Variants in CAV3 observed in about 807,000 individuals in gnomAD.
CAV3 encodes the protein caveolin-3.
CAV3 carries 10 observed loss-of-function variants against 13.4 expected under a neutral mutation model. That is an observed-to-expected ratio of 0.75 (90% CI 0.46 to 1.27). The LOEUF is 1.27. CAV3 is among the 50% of genes most tolerant of loss of function. The probability of loss-of-function intolerance (pLI) is 0.00; values close to 1 mark genes in which losing one functional copy is unlikely to be tolerated. For synonymous variants in CAV3, 90 were observed against 79.0 expected, an observed-to-expected ratio of 1.14 and a Z score of -0.74; for missense variants, 162 against 194.0, an observed-to-expected ratio of 0.83 and a Z score of 0.98.
At chr3:8,742,200 C>A (rs1272909786) in intron 1 of CAV3, among the ~76,000 whole-genome samples, 1 of 152,110 alleles carries the variant, frequency 6.6e-6, no homozygotes, top group Non-Finnish European at 1.5e-5. Context: ...ATGCTCAAAT[C>A]TGAGCTAGGG....
Position 8,743,053 on chromosome 3 carries a change from G to T in CAV3, c.115-2473G>T, listed in dbSNP as rs150266373. ...CGAGAGAGGGAGCAAGAGAGCTGCCGGGTTCTTTTAAACAACCAGGTCTCA... is the reference window on the plus strand; with the variant it reads ...CGAGAGAGGGAGCAAGAGAGCTGCCTGGTTCTTTTAAACAACCAGGTCTCA... On this transcript the variant is annotated intron_variant, in intron 1 of 1. Transcript: ENST00000343849. Among the ~76,000 whole-genome samples, 1,059 of 151,988 alleles carry T rather than the reference G, an allele frequency of 7.0e-3. 12 individuals are homozygous for T. The highest frequency in any genetic ancestry group is 0.024 in the African/African-American group (1,009 of 41,474).
At chr3:8,741,510 A>G (rs1028501639) in intron 1 of CAV3, among the ~76,000 whole-genome samples, 3 of 152,170 alleles carry the variant, frequency 2.0e-5, no homozygotes, top group Non-Finnish European at 4.4e-5. Context: ...GTCATTACAG[A>G]TCTTGGCCCA....
At chr3:8,738,902 C>T (rs1707849758) in intron 1 of CAV3, among the ~76,000 whole-genome samples, 1 of 152,212 alleles carries the variant, frequency 6.6e-6, no homozygotes, top group Admixed American at 6.5e-5. Flanking sequence ...ACAGATAACA[C>T]TTCGCTGCTC....
chr3:8,742,709 T>A, intron 1 of CAV3: 6 of 324,756 alleles, frequency 1.8e-5, no homozygotes, highest in Non-Finnish European at 3.7e-5. Context: ...GGGTAATCAA[T>A]CAGTATTTAT....
chr3:8,738,873 G>C (rs1419416729), intron 1 of CAV3, among the ~76,000 whole-genome samples: 1 of 152,182 alleles, frequency 6.6e-6, no homozygotes, highest in African/African-American at 2.4e-5. Context: ...TGCACCATCA[G>C]CTAGTCATAG....
chr3:8,745,556 G>A lies in CAV3; in HGVS notation c.145G>A (p.Val49Met). 1 of 1,614,184 alleles carries A rather than the reference G, an allele frequency of 6.2e-7. No homozygotes were observed. The highest frequency in any genetic ancestry group is 8.5e-7 in the Non-Finnish European group (1 of 1,180,030). ...TTTTGAAGACGTGATCGCAGAGCCT[G>A]TGGGCACCTACAGCTTTGACGGCGT... ...VDFEDVIAEP[V>M]GTYSFDGVWK... is the part of the protein sequence containing the mutation. The change falls in exon 2 of 2, where the codon GTG becomes ATG. Residue 49 changes from valine (V) to methionine (M), a missense_variant. Physicochemically the swap from Val to Met is conservative, Grantham distance 21. Transcript: ENST00000343849. The surrounding 1 kb of genome is among the most constrained non-coding windows in gnomAD (Gnocchi z 4.8).
At position 8,745,479 on chromosome 3, in the gene CAV3, AGCGGGTGGCTTCTGTG is replaced by A. The variant is rs1398918864; in HGVS notation, c.115-46_115-31del. On this transcript the variant is annotated intron_variant, in intron 1 of 1. Coordinates refer to ENST00000343849, the MANE Select transcript of CAV3 (RefSeq NM_033337.3). The surrounding 1 kb of genome is among the most constrained non-coding windows in gnomAD (Gnocchi z 4.8). Reference sequence around the variant, plus strand: ...CACGCACACACCCAAAAGCTTGAGAAGCGGGTGGCTTCTGTGAGTTGAGGCTTCCCCTTGCCACCCC... The same window carrying A: ...CACGCACACACCCAAAAGCTTGAGAAAGTTGAGGCTTCCCCTTGCCACCCC... 1 of 1,146,656 alleles carries A rather than the reference AGCGGGTGGCTTCTGTG, an allele frequency of 8.7e-7. No individual in the cohort carries two copies. Among genetic ancestry groups the A allele is most frequent in the Middle Eastern group, 2.0e-4 (1 of 5,004 alleles). 71.0% of individuals were successfully genotyped at this position (1,146,656 alleles called of 1,614,324 possible).
intron 1 of CAV3, 150 bp downstream of exon 1, chr3:8,734,140 C>T (rs1707665011): frequency 1.5e-6 from 1 of 653,370 alleles, no homozygotes; most frequent in Non-Finnish European, 2.8e-6. Flanking sequence ...CCAACCCCAC[C>T]CCACCCCCAA....
chr3:8,745,574 G>A lies in CAV3; in HGVS notation c.163G>A (p.Asp55Asn), dbSNP rs774007619. The change falls in exon 2 of 2, where the codon GAC becomes AAC. Residue 55 changes from aspartate to asparagine, a missense_variant. Coordinates refer to ENST00000343849, the MANE Select transcript of CAV3 (RefSeq NM_033337.3). The surrounding 1 kb of genome is among the most constrained non-coding windows in gnomAD (Gnocchi z 4.8). ...AGAGCCTGTGGGCACCTACAGCTTT[G>A]ACGGCGTGTGGAAGGTGAGCTACAC... ...IAEPVGTYSF[D>N]GVWKVSYTTF... is the part of the protein sequence containing the mutation. 2.5e-6 allele frequency: 4 copies of A among 1,614,054 alleles called. No homozygotes were observed. The highest frequency in any genetic ancestry group is 3.3e-5 in the Admixed American group (2 of 60,004).
chr3:8,743,271 C>T, intron 1 of CAV3, among the ~76,000 whole-genome samples: 1 of 152,108 alleles, frequency 6.6e-6, no homozygotes, highest in East Asian at 1.9e-4. Context: ...TGGATGAATA[C>T]ATGAAAGAAA....
At chr3:8,742,605 G>A (rs1284420338) in intron 1 of CAV3, 4 of 449,134 alleles carry the variant, frequency 8.9e-6, no homozygotes, top group South Asian at 1.6e-5. Flanking sequence ...CAGAGCACCT[G>A]AAGGAATAAT....
chr3:8,741,927 C>T (rs1404402701), intron 1 of CAV3, among the ~76,000 whole-genome samples: 2 of 152,126 alleles, frequency 1.3e-5, no homozygotes, highest in African/African-American at 2.4e-5. Context: ...AAGGGGACAC[C>T]GACAGAATGT....
intron 1 of CAV3, among the ~76,000 whole-genome samples, chr3:8,739,210 G>T (rs369281001): frequency 6.6e-6 from 1 of 152,196 alleles, no homozygotes; most frequent in Admixed American, 6.5e-5. Context: ...CTTTCCCAGG[G>T]TCCAGTGGTG....
chr3:8,735,301 C>G (rs982308189), intron 1 of CAV3, among the ~76,000 whole-genome samples: 1 of 152,124 alleles, frequency 6.6e-6, no homozygotes, highest in Non-Finnish European at 1.5e-5. Flanking sequence ...AACATGTAAG[C>G]AATATAAAAC....
Position 8,745,783 on chromosome 3 carries a change from C to T in CAV3, c.372C>T (p.Cys124=), listed in dbSNP as rs894963662. The change falls in exon 2 of 2, where the codon TGC becomes TGT. Residue 124 remains cysteine, a synonymous_variant. Coordinates refer to ENST00000343849, the MANE Select transcript of CAV3 (RefSeq NM_033337.3). This position sits in a 1 kb window ranked among gnomAD's most constrained non-coding sequence, Gnocchi z 4.8. ...GCATCAGCCACATCTACTCACTCTG[C>T]ATCCGCACCTTCTGCAACCCACTCT... ...IQCISHIYSL[C]IRTFCNPLFA... 1.1e-5 allele frequency: 18 copies of T among 1,613,976 alleles called. No homozygotes were observed. The highest frequency in any genetic ancestry group is 1.4e-5 in the Non-Finnish European group (16 of 1,180,056).
At chr3:8,738,421 T>A (rs1268332581) in intron 1 of CAV3, among the ~76,000 whole-genome samples, 1 of 152,196 alleles carries the variant, frequency 6.6e-6, no homozygotes, top group African/African-American at 2.4e-5. Flanking sequence ...GGACACCCTG[T>A]TGCACAAAGA....
chr3:8,739,484 G>C (rs1344201020), intron 1 of CAV3, among the ~76,000 whole-genome samples: 1 of 151,598 alleles, frequency 6.6e-6, no homozygotes, highest in Admixed American at 6.6e-5. Context: ...GCCAGGTGTA[G>C]TGGTGGGTGC....
At chr3:8,743,108 G>A (rs1353251618) in intron 1 of CAV3, among the ~76,000 whole-genome samples, 2 of 152,082 alleles carry the variant, frequency 1.3e-5, no homozygotes, top group Non-Finnish European at 2.9e-5. Context: ...ACTCACTCAT[G>A]ACCACAGGGA....
chr3:8,736,255 T>G (rs1343051830), intron 1 of CAV3, among the ~76,000 whole-genome samples: 1 of 152,160 alleles, frequency 6.6e-6, no homozygotes, highest in African/African-American at 2.4e-5. Flanking sequence ...CCCTGTAAAG[T>G]GGGAATAATA....
Sources: gnomAD v4.1 joint callset for allele counts (sites outside exome capture counted in the v4.1 genomes callset) on GRCh38, gnomAD v4.1.1 for gene constraint, Gnocchi (gnomAD v3.1) non-coding constraint, MANE v1.5 for transcripts, NCBI Gene and HGNC (gene_info 2026-07-23, HGNC 2026-07-21) for gene names.